RIMS1: variants seen among roughly 807,000 people sequenced by gnomAD.
RIMS1 encodes the protein regulating synaptic membrane exocytosis protein 1.
RIMS1 carries 83 observed loss-of-function variants against 214.1 expected under a neutral mutation model. The ratio of observed to expected loss-of-function variants is 0.39; its 90% CI spans 0.32 to 0.47. The LOEUF (loss-of-function observed/expected upper bound fraction) is 0.47, where lower values mean the gene tolerates loss of function less well. RIMS1 is among the 20% of genes least tolerant of loss of function. The pLI is 0.99. For missense variants in RIMS1, 2,050 were observed against 2,161.8 expected (o/e 0.95, Z 1.03); for synonymous variants, 793 against 786.8 (o/e 1.01, Z -0.13).
chr6:72,255,913 G>A (rs987195211), intron 16 of RIMS1, among the ~76,000 whole-genome samples: 1 of 151,826 alleles, frequency 6.6e-6, no homozygotes, highest in East Asian at 1.9e-4. Flanking sequence ...GCGCACGCCT[G>A]TAATCCTATC....
At chr6:72,105,209 T>C (rs1255875096) in intron 4 of RIMS1, among the ~76,000 whole-genome samples, 1 of 152,194 alleles carries the variant, frequency 6.6e-6, no homozygotes, top group East Asian at 1.9e-4. Flanking sequence ...ACTGGAATTA[T>C]AAGTGTGAGC....
intron 4 of RIMS1, among the ~76,000 whole-genome samples, chr6:72,146,180 T>C (rs1322407987): frequency 2.0e-5 from 3 of 152,182 alleles, no homozygotes; most frequent in Non-Finnish European, 2.9e-5. Context: ...AATGTCACAA[T>C]CTCTACAGCT....
In RIMS1 at chr6:72,194,036, G is replaced by A. The variant is rs76890232; in HGVS notation, c.1678+10887G>A. On this transcript the variant is annotated intron_variant, in intron 6 of 33. Coordinates refer to ENST00000521978, the MANE Select transcript of RIMS1 (RefSeq NM_014989.7). ...GTGTTCTATAGGAATACATTTAACC[G>A]AGGAGGTGAAAGATCTCTGCAAGGA... Among the ~76,000 whole-genome samples the A allele has an allele frequency of 5.0e-3, 762 of 152,124 alleles. 4 individuals carry two copies. Among genetic ancestry groups the A allele is most frequent in the Non-Finnish European group, 7.6e-3 (516 of 67,958 alleles).
rs563546652 is a variant in RIMS1, at chr6:72,237,954, G to A, written c.1957+32G>A. ...TTTCTTTTTTTAATATTTAAACAGT[G>A]TGTTCTCCATGCATGAACATGAATT... is the stretch of plus-strand genomic sequence containing the variant. On this transcript the variant is annotated intron_variant, in intron 9 of 33. Coordinates refer to ENST00000521978, the MANE Select transcript of RIMS1 (RefSeq NM_014989.7). The A allele has an allele frequency of 4.1e-6, 6 of 1,464,632 alleles. No individual in the cohort carries two copies. The South Asian group carries it at 7.2e-5, about 18-fold the overall frequency. The allele number at this position is 1,464,632 out of a possible 1,614,324, so 90.7% of individuals were successfully genotyped here.
rs2077763508 is a variant in RIMS1 at position 72,261,076 on chromosome 6, G to T, written c.3116+309G>T. 3.3e-6 allele frequency: 4 copies of T among 1,207,808 alleles called. No homozygotes were observed. In the Admixed American group the frequency reaches 1.4e-4, roughly 44 times the overall value. The allele number at this position is 1,207,808 out of a possible 1,614,324, so 74.8% of individuals were successfully genotyped here. A position where few individuals can be genotyped will look rare whatever the true frequency, so the allele number is the denominator to read the frequency against. On this transcript the variant is annotated intron_variant, in intron 19 of 33. Coordinates refer to ENST00000521978, the MANE Select transcript of RIMS1 (RefSeq NM_014989.7). ...AATTAAAATTCTAAATGCTCACTGT[G>T]AGTGCCCCCAACTTTCCCACACATA... is the stretch of plus-strand genomic sequence containing the variant.
At chr6:71,989,398 T>G (rs1562041745) in intron 2 of RIMS1, among the ~76,000 whole-genome samples, 1 of 152,208 alleles carries the variant, frequency 6.6e-6, no homozygotes, top group Non-Finnish European at 1.5e-5. Context: ...CACTGATATG[T>G]GCAGCTTATT....
intron 18 of RIMS1, among the ~76,000 whole-genome samples, 194 bp downstream of exon 18, chr6:72,259,305 T>C (rs1029427610): frequency 6.6e-6 from 1 of 152,190 alleles, no homozygotes; most frequent in Non-Finnish European, 1.5e-5. Flanking sequence ...TATATTGTTA[T>C]AATTATCCAA....
intron 6 of RIMS1, among the ~76,000 whole-genome samples, chr6:72,227,586 A>G (rs1194526880): frequency 6.6e-6 from 1 of 151,936 alleles, no homozygotes; most frequent in African/African-American, 2.4e-5. Flanking sequence ...AACCAGAAAA[A>G]GTACTGCCTC....
At chr6:71,995,966 T>C (rs1298811159) in intron 2 of RIMS1, among the ~76,000 whole-genome samples, 1 of 152,152 alleles carries the variant, frequency 6.6e-6, no homozygotes, top group Non-Finnish European at 1.5e-5. Context: ...TTTGTTATTT[T>C]AATAGAGACG....
Position 71,887,006 on chromosome 6 carries a change from G to A in RIMS1, c.-18G>A. The A allele has an allele frequency of 6.2e-7, 1 of 1,610,152 alleles. No individual in the cohort carries two copies. Among genetic ancestry groups the A allele is most frequent in the South Asian group, 1.1e-5 (1 of 90,580 alleles). On this transcript the variant is annotated 5_prime_UTR_variant, in exon 1 of 34. Transcript: ENST00000521978. ...TGAGAGCCAGAGAGCGAGCAGAGGG[G>A]GCGGGCAGGCCACGAAAATGTCCTC...
rs1410583024 is a variant in RIMS1 at position 72,157,420 on chromosome 6, T to G, written c.472-22155T>G. ...CCCACTGTATTTGTGATTTGCCTAT[T>G]TTTTTATTTAAGTTTATATAGGTTG... On this transcript the variant is annotated intron_variant, in intron 4 of 33. Coordinates refer to ENST00000521978, the MANE Select transcript of RIMS1 (RefSeq NM_014989.7). Among the ~76,000 whole-genome samples, 2 of 140,230 alleles carry G rather than the reference T, an allele frequency of 1.4e-5. 1 individual carries two copies. Among genetic ancestry groups the G allele is most frequent in the Non-Finnish European group, 3.2e-5 (2 of 61,686 alleles). The allele number at this position is 140,230 out of a possible 152,430, so 92.0% of individuals were successfully genotyped here.
intron 1 of RIMS1, among the ~76,000 whole-genome samples, chr6:71,944,407 G>A (rs1385484141): frequency 6.6e-6 from 1 of 152,148 alleles, no homozygotes; most frequent in Non-Finnish European, 1.5e-5. Flanking sequence ...TGGGAGTGGA[G>A]GACAAGCCGG....
intron 6 of RIMS1, among the ~76,000 whole-genome samples, chr6:72,210,184 T>C (rs1214521967): frequency 6.6e-6 from 1 of 152,186 alleles, no homozygotes; most frequent in Admixed American, 6.5e-5. Context: ...TTCTCTTTCT[T>C]GTTCCTTAGG....
chr6:72,122,611 T>A (rs2153832704), intron 4 of RIMS1, among the ~76,000 whole-genome samples: 1 of 151,946 alleles, frequency 6.6e-6, no homozygotes, highest in Admixed American at 6.6e-5. Context: ...GGTCCTGGAC[T>A]TTTTTTGGTT....
chr6:71,962,350 A>G (rs938194038), intron 1 of RIMS1, among the ~76,000 whole-genome samples: 1 of 152,150 alleles, frequency 6.6e-6, no homozygotes, highest in African/African-American at 2.4e-5. Context: ...CTTCAGGGGA[A>G]GGTCAACATT....
At chr6:72,153,278 ATTTTTT>A (rs139812956) in intron 4 of RIMS1, among the ~76,000 whole-genome samples, 2 of 151,166 alleles carry the variant, frequency 1.3e-5, no homozygotes, top group African/African-American at 2.4e-5. Context: ...GGACTGGTTG[ATTTTTT>A]TTCATCTTCA....
At chr6:72,307,927 TAATG>T (rs1402689626) in intron 27 of RIMS1, among the ~76,000 whole-genome samples, 7 of 152,192 alleles carry the variant, frequency 4.6e-5, no homozygotes, top group African/African-American at 1.4e-4. Context: ...TAAAATCACT[TAATG>T]ATTGATTAGC....
At chr6:72,103,339 G>A (rs938839082) in intron 4 of RIMS1, among the ~76,000 whole-genome samples, 1 of 152,020 alleles carries the variant, frequency 6.6e-6, no homozygotes, top group Non-Finnish European at 1.5e-5. Context: ...TTAACCTCTT[G>A]CATTCAGCAT....
intron 4 of RIMS1, among the ~76,000 whole-genome samples, chr6:72,171,393 TAC>T (rs775678117): frequency 3.3e-5 from 5 of 150,210 alleles, no homozygotes; most frequent in Non-Finnish European, 3.0e-5. Flanking sequence ...TATGCACACA[TAC>T]ACACACACAC....
Sources: gnomAD v4.1 joint callset for allele counts (sites outside exome capture counted in the v4.1 genomes callset) on GRCh38, gnomAD v4.1.1 for gene constraint, MANE v1.5 for transcripts, NCBI Gene and HGNC (gene_info 2026-07-23, HGNC 2026-07-21) for gene names.